Variants in CACNA1A observed in about 807,000 individuals in gnomAD.
CACNA1A encodes the protein calcium voltage-gated channel subunit alpha1 A.
CACNA1A carries 57 observed loss-of-function variants against 262.4 expected under a neutral mutation model. The observed-to-expected ratio is 0.22, with a 90% CI of 0.18 to 0.27. CACNA1A has a LOEUF of 0.27. Among genes scored for constraint, CACNA1A ranks in the 10% least tolerant of loss-of-function variants. The pLI, the probability that CACNA1A is intolerant of heterozygous loss-of-function variation, is 1.00. For missense variants in CACNA1A, 2,526 were observed against 3,562.8 expected (o/e 0.71, Z 7.41); for synonymous variants, 1,431 against 1,419.3 (o/e 1.01, Z -0.18).
At chr19:13,461,781 G>A (rs553305985) in intron 1 of CACNA1A, among the ~76,000 whole-genome samples, 1 of 152,256 alleles carries the variant, frequency 6.6e-6, no homozygotes, top group East Asian at 1.9e-4. Context: ...CTGTGTCAGC[G>A]GGATCCAGAA....
intron 1 of CACNA1A, 141 bp downstream of exon 1, chr19:13,505,791 T>G: frequency 1.3e-6 from 1 of 762,002 alleles, no homozygotes; most frequent in Non-Finnish European, 2.2e-6. Context: ...CTCCTCCCGG[T>G]GCCCCCTCTC....
chr19:13,428,239 C>G (rs549139679), intron 3 of CACNA1A, among the ~76,000 whole-genome samples: 150 of 152,290 alleles, frequency 9.8e-4, no homozygotes, highest in African/African-American at 3.4e-3. Context: ...GAGCTCTTAT[C>G]TTATAGGCTC....
chr19:13,376,816 TGTGATATATAACACATGTTA>T, intron 3 of CACNA1A, among the ~76,000 whole-genome samples: 2 of 79,054 alleles, frequency 2.5e-5, no homozygotes, highest in Middle Eastern at 0.016. Flanking sequence ...ATATGTTATG[TGTGATATATAACACATGTTA>T]TATGTGATAT....
chr19:13,263,155 A>G (rs1051746569), intron 24 of CACNA1A: 4 of 278,376 alleles, frequency 1.4e-5, no homozygotes, highest in African/African-American at 8.7e-5. Flanking sequence ...CCCCACCCCC[A>G]TTTCTGCACA....
At chr19:13,456,648 T>A (rs541194090) in intron 1 of CACNA1A, among the ~76,000 whole-genome samples, 27 of 152,272 alleles carry the variant, frequency 1.8e-4, no homozygotes, top group African/African-American at 6.3e-4. Context: ...CACTCCAGCC[T>A]GGGCGACAGA....
intron 12 of CACNA1A, 65 bp downstream of exon 12, chr19:13,312,604 G>A: frequency 1.1e-6 from 1 of 920,704 alleles, no homozygotes; most frequent in Non-Finnish European, 1.7e-6. Flanking sequence ...CCTTTAATGT[G>A]TCCAGGTATC....
intron 3 of CACNA1A, among the ~76,000 whole-genome samples, chr19:13,389,215 C>T (rs2059671291): frequency 6.6e-6 from 1 of 152,148 alleles, no homozygotes; most frequent in South Asian, 2.1e-4. Context: ...AACCATATTT[C>T]TAAAAGCCCC....
At chr19:13,380,655 A>T (rs2059505967) in intron 3 of CACNA1A, among the ~76,000 whole-genome samples, 1 of 150,888 alleles carries the variant, frequency 6.6e-6, no homozygotes, top group African/African-American at 2.4e-5. Flanking sequence ...CAAAAAAAAA[A>T]AAAAAAAAAA....
intron 3 of CACNA1A, among the ~76,000 whole-genome samples, chr19:13,403,832 C>T (rs541956013): frequency 2.6e-5 from 4 of 152,168 alleles, no homozygotes; most frequent in African/African-American, 9.6e-5. Flanking sequence ...GTGGTATGCA[C>T]CTGTGGTCCT....
At chr19:13,505,063 G>T (rs955915519) in intron 1 of CACNA1A, among the ~76,000 whole-genome samples, 2 of 152,150 alleles carry the variant, frequency 1.3e-5, no homozygotes, top group Non-Finnish European at 2.9e-5. Flanking sequence ...GGTAGGAAAA[G>T]CTGGACATGG....
chr19:13,441,647 G>A (rs1227495904), intron 3 of CACNA1A, among the ~76,000 whole-genome samples: 2 of 146,046 alleles, frequency 1.4e-5, no homozygotes, highest in Non-Finnish European at 3.0e-5. Context: ...CTGGGCAACA[G>A]AGCAAGACCC....
rs1407526940 is a variant in CACNA1A, at chr19:13,506,282, C to A, written c.-58G>T. ...GCGGCGAACGATGCGGAAGACGCCG[C>A]CGCCGCCGCCGCCGCCGCTGATGCT... On this transcript the variant is annotated 5_prime_UTR_variant, in exon 1 of 47. Coordinates refer to ENST00000360228, the MANE Select transcript of CACNA1A (RefSeq NM_001127222.2). The A allele has an allele frequency of 2.2e-6, 3 of 1,337,252 alleles. No individual in the cohort carries two copies. The highest frequency in any genetic ancestry group is 1.8e-5 in the South Asian group (1 of 56,880). 82.8% of individuals were successfully genotyped at this position (1,337,252 alleles called of 1,614,324 possible).
At chr19:13,500,758 C>A (rs1982284852) in intron 1 of CACNA1A, among the ~76,000 whole-genome samples, 1 of 152,174 alleles carries the variant, frequency 6.6e-6, no homozygotes, top group African/African-American at 2.4e-5. Context: ...ATGTTTATAG[C>A]AGCTCTATTC....
intron 1 of CACNA1A, among the ~76,000 whole-genome samples, chr19:13,479,532 T>C (rs1978996070): frequency 6.6e-6 from 1 of 152,162 alleles, no homozygotes; most frequent in Non-Finnish European, 1.5e-5. Flanking sequence ...AGTGATCTTC[T>C]CGGGCTTTCT....
At chr19:13,320,221 G>C (rs1156450179) in intron 10 of CACNA1A, among the ~76,000 whole-genome samples, 2 of 136,552 alleles carry the variant, frequency 1.5e-5, no homozygotes, top group African/African-American at 5.2e-5. Context: ...GGGGACAGGG[G>C]GGATGTTCCA....
intron 3 of CACNA1A, among the ~76,000 whole-genome samples, chr19:13,407,671 T>G (rs987500231): frequency 6.6e-6 from 1 of 152,212 alleles, no homozygotes; most frequent in African/African-American, 2.4e-5. Flanking sequence ...GTCTTCCAAT[T>G]GTTATGCTGC....
chr19:13,298,719 T>C lies in CACNA1A; in HGVS notation c.2914A>G (p.Lys972Glu), dbSNP rs2144953504. ...RRPGEEGPED[K>E]AERRARHREG... The stretch of plus-strand genomic sequence containing the variant: ...CGGTGCCGCGCCCTCCGCTCCGCCT[T>C]GTCCTCCGGACCCTCCTCCCCGGGC... The change falls in exon 19 of 47, where the codon AAG becomes GAG. Residue 972 changes from lysine to glutamate, a missense_variant. This residue lies in a region of CACNA1A where 765 missense variants were observed against 748.6 expected (regional missense o/e 1.02). Transcript: ENST00000360228. 6.7e-7 allele frequency: 1 copy of C among 1,490,336 alleles called. No individual in the cohort carries two copies. The highest frequency in any genetic ancestry group is 8.9e-7 in the Non-Finnish European group (1 of 1,124,612). The allele number at this position is 1,490,336 out of a possible 1,614,324, so 92.3% of individuals were successfully genotyped here.
rs17846928 is a variant in CACNA1A at position 13,209,354 on chromosome 19, C to T, written c.6484G>A (p.Ala2162Thr). 28 of 1,385,088 alleles carry T rather than the reference C, an allele frequency of 2.0e-5. No individual in the cohort carries two copies. Among genetic ancestry groups the T allele is most frequent in the South Asian group, 1.8e-4 (10 of 56,524 alleles). 85.8% of individuals were successfully genotyped at this position (1,385,088 alleles called of 1,614,324 possible). Reference sequence around the variant, plus strand: ...TAGCGGCCCAGGGAGCGCTCAGAGGCGCGGTGGCTGCGGTCGCGGCGCCGC... The same window carrying T: ...TAGCGGCCCAGGGAGCGCTCAGAGGTGCGGTGGCTGCGGTCGCGGCGCCGC... ...HQRRRDRSHR[A>T]SERSLGRYTD... is the part of the protein sequence containing the mutation. Residue 2162 changes from alanine to threonine, a missense_variant, in exon 45 of 47, where the codon GCC (alanine) becomes ACC (threonine). Ala to Thr is a moderately conservative substitution (Grantham distance 58). This residue lies in a region of CACNA1A where 929 missense variants were observed against 868.1 expected (regional missense o/e 1.07). Transcript: ENST00000360228.
intron 38 of CACNA1A, chr19:13,215,015 T>G (rs1304838442): frequency 6.1e-5 from 10 of 164,042 alleles, no homozygotes; most frequent in East Asian, 5.4e-4. Context: ...TGTGTGTGTT[T>G]TTTTTTTTTT....
Sources: allele counts gnomAD v4.1 joint callset (sites outside exome capture counted in the v4.1 genomes callset), GRCh38; gene constraint gnomAD v4.1.1; regional missense constraint gnomAD v4.1.1; transcripts MANE v1.5; gene names NCBI Gene and HGNC (gene_info 2026-07-23, HGNC 2026-07-21).